Variants in GLG1 observed in about 807,000 individuals in gnomAD.
GLG1 encodes golgi glycoprotein 1.
Under a neutral mutation model 160.5 loss-of-function variants are expected in GLG1, and 38 were observed. The ratio of observed to expected loss-of-function variants is 0.24; its 90% confidence interval spans 0.18 to 0.31. GLG1 has a LOEUF of 0.31. Among genes scored for constraint, GLG1 ranks in the 10% least tolerant of loss-of-function variants. The probability of loss-of-function intolerance (pLI) is 1.00; values close to 1 mark genes in which losing one functional copy is unlikely to be tolerated. For missense variants in GLG1, 1,373 were observed against 1,505.2 expected (o/e 0.91, Z 1.45); for synonymous variants, 644 against 543.4 (o/e 1.19, Z -2.57).
chr16:74,596,256 T>C (rs28377859), intron 1 of GLG1, among the ~76,000 whole-genome samples: 110,953 of 151,888 alleles, frequency 0.73, 40,990 homozygotes, highest in African/African-American at 0.84. Flanking sequence ...GGGCTGGGCG[T>C]GGTTGCTAAT....
chr16:74,533,068 C>T (rs1476661121), intron 1 of GLG1, among the ~76,000 whole-genome samples: 1 of 152,206 alleles, frequency 6.6e-6, no homozygotes, highest in Non-Finnish European at 1.5e-5. Context: ...CGCCTGTAAT[C>T]CCAGCACTTT....
chr16:74,525,473 T>C (rs2017306025), intron 2 of GLG1, among the ~76,000 whole-genome samples: 2 of 151,420 alleles, frequency 1.3e-5, no homozygotes, highest in Admixed American at 1.3e-4. Context: ...AAATTCTTCT[T>C]TGTAGAGATA....
At chr16:74,523,781 T>G (rs1345676118) in intron 2 of GLG1, among the ~76,000 whole-genome samples, 1 of 152,120 alleles carries the variant, frequency 6.6e-6, no homozygotes, top group Non-Finnish European at 1.5e-5. Flanking sequence ...ATACTGACCT[T>G]CTATCATGAG....
rs1009002361 is a variant in GLG1 at position 74,471,490 on chromosome 16, G to C, written c.2116-204C>G. ...TAAAACTAACACAGCACTGTGTTCCGTATAAGACATGATATACGCTTTTTT... is the reference window on the plus strand; with the variant it reads ...TAAAACTAACACAGCACTGTGTTCCCTATAAGACATGATATACGCTTTTTT... On this transcript the variant is annotated intron_variant, in intron 14 of 25. Transcript: ENST00000422840. 9.9e-5 allele frequency among the ~76,000 whole-genome samples: 15 copies of C among 152,212 alleles called. 1 individual carries two copies. Among genetic ancestry groups the C allele is most frequent in the Admixed American group, 9.8e-4 (15 of 15,286 alleles).
chr16:74,606,849 T>C lies in GLG1; in HGVS notation c.246A>G (p.Gln82=), dbSNP rs1567555092. 3.8e-6 allele frequency: 6 copies of C among 1,598,568 alleles called. No homozygotes were observed. The highest frequency in any genetic ancestry group is 5.1e-6 in the Non-Finnish European group (6 of 1,173,474). ...LQQQQQQQQQ[Q]QQPQPPQPPF... The stretch of plus-strand genomic sequence containing the variant: ...GCGGCTGCGGCGGCTGAGGCTGCTG[T>C]TGCTGTTGCTGCTGCTGCTGTTGCT... The change falls in exon 1 of 26, where the codon CAA becomes CAG. Residue 82 remains glutamine, a synonymous_variant. Coordinates refer to ENST00000422840, the MANE Select transcript of GLG1 (RefSeq NM_001145667.2).
chr16:74,514,069 C>A (rs538388516), intron 2 of GLG1, among the ~76,000 whole-genome samples: 2 of 151,926 alleles, frequency 1.3e-5, no homozygotes, highest in African/African-American at 4.8e-5. Flanking sequence ...TGAAATAAAG[C>A]CAGAAGACAA....
chr16:74,484,861 G>A (rs1278263807), intron 9 of GLG1, among the ~76,000 whole-genome samples: 2 of 151,912 alleles, frequency 1.3e-5, no homozygotes, highest in South Asian at 2.1e-4. Context: ...CACGTGATCC[G>A]CCAGCCTCAG....
intron 3 of GLG1, among the ~76,000 whole-genome samples, chr16:74,506,902 G>C: frequency 6.6e-6 from 1 of 152,086 alleles, no homozygotes; most frequent in East Asian, 1.9e-4. Context: ...GAAGTGGCTG[G>C]GGAGCAGATT....
chr16:74,580,576 T>C (rs1323652837), intron 1 of GLG1, among the ~76,000 whole-genome samples: 1 of 152,122 alleles, frequency 6.6e-6, no homozygotes, highest in Non-Finnish European at 1.5e-5. Flanking sequence ...CAATATACTG[T>C]GAAGCAAGCA....
At chr16:74,511,176 T>C (rs527275746) in intron 2 of GLG1, among the ~76,000 whole-genome samples, 1 of 152,198 alleles carries the variant, frequency 6.6e-6, no homozygotes, top group South Asian at 2.1e-4. Context: ...CCAGATCTGC[T>C]TTTTAGAAGG....
intron 1 of GLG1, among the ~76,000 whole-genome samples, chr16:74,536,562 G>T (rs1370219253): frequency 6.6e-6 from 1 of 152,152 alleles, no homozygotes; most frequent in Admixed American, 6.5e-5. Flanking sequence ...ACTTGAGATA[G>T]GCCTAAAGAA....
At chr16:74,594,712 T>A (rs1166465131) in intron 1 of GLG1, among the ~76,000 whole-genome samples, 2 of 152,066 alleles carry the variant, frequency 1.3e-5, no homozygotes, top group Non-Finnish European at 2.9e-5. Context: ...GAAGATGAAA[T>A]CTACTCATGA....
intron 1 of GLG1, among the ~76,000 whole-genome samples, chr16:74,553,471 T>C (rs2018264487): frequency 5.5e-5 from 1 of 18,348 alleles, no homozygotes; most frequent in Non-Finnish European, 1.1e-4. Flanking sequence ...TTGTTTCGGT[T>C]TTTTTTTTTT....
chr16:74,463,331 C>T (rs775210253), intron 20 of GLG1, 25 bp downstream of exon 20: 2 of 1,611,944 alleles, frequency 1.2e-6, no homozygotes, highest in African/African-American at 2.7e-5. Flanking sequence ...TCCACGGGGC[C>T]AGGAGAGCCA....
At chr16:74,590,936 G>A (rs1450056032) in intron 1 of GLG1, among the ~76,000 whole-genome samples, 1 of 150,242 alleles carries the variant, frequency 6.7e-6, no homozygotes, top group Non-Finnish European at 1.5e-5. Flanking sequence ...TCAAAGGAGG[G>A]CCTTTCTTGT....
At chr16:74,530,460 A>C (rs1232480250) in intron 2 of GLG1, among the ~76,000 whole-genome samples, 1 of 152,156 alleles carries the variant, frequency 6.6e-6, no homozygotes, top group Non-Finnish European at 1.5e-5. Context: ...TTGCCATCCT[A>C]GTGTGAAAAG....
intron 10 of GLG1, among the ~76,000 whole-genome samples, chr16:74,480,655 T>A (rs1053177828): frequency 2.6e-5 from 4 of 151,852 alleles, no homozygotes; most frequent in Non-Finnish European, 4.4e-5. Context: ...CCCCCGGGGC[T>A]TGAAGGCAAT....
chr16:74,491,065 A>G lies in GLG1; in HGVS notation c.1385T>C (p.Leu462Pro). ...CSGLHRKGRTLHCLMKVVRGE... is the reference protein window; with the variant it reads ...CSGLHRKGRTPHCLMKVVRGE... ...TCGAACTACTTTCATCAGACAGTGTAGGGTCCGCCCTTTTCGATGTAATCC... is the reference window on the plus strand; with the variant it reads ...TCGAACTACTTTCATCAGACAGTGTGGGGTCCGCCCTTTTCGATGTAATCC... Residue 462 changes from leucine to proline, a missense_variant, in exon 8 of 26, where the codon CTA becomes CCA. By Grantham distance (98) the Leu-to-Pro change is moderately conservative. Transcript: ENST00000422840. 6.2e-7 allele frequency: 1 copy of G among 1,614,184 alleles called. No individual in the cohort carries two copies.
At chr16:74,550,520 T>A (rs960329355) in intron 1 of GLG1, among the ~76,000 whole-genome samples, 6 of 152,168 alleles carry the variant, frequency 3.9e-5, no homozygotes, top group Non-Finnish European at 7.3e-5. Flanking sequence ...GGCGAGAAGA[T>A]GCCAAAAACT....
Sources: gnomAD v4.1 joint callset for allele counts (sites outside exome capture counted in the v4.1 genomes callset) on GRCh38, gnomAD v4.1.1 for gene constraint, MANE v1.5 for transcripts, NCBI Gene and HGNC (gene_info 2026-07-23, HGNC 2026-07-21) for gene names.